The following RAB11FIP4 variants were observed in gnomAD, a reference collection of about 807,000 sequenced individuals.
RAB11FIP4 encodes the protein RAB11 family interacting protein 4.
In RAB11FIP4, 23 loss-of-function variants were observed where a neutral mutation model predicts 74.3. The ratio of observed to expected loss-of-function variants is 0.31; its 90% CI spans 0.22 to 0.44. The LOEUF (loss-of-function observed/expected upper bound fraction) is 0.44. Among genes scored for constraint, RAB11FIP4 ranks in the 20% least tolerant of loss-of-function variants. The pLI is 1.00. For synonymous variants in RAB11FIP4, 360 were observed against 359.9 expected, an observed-to-expected ratio of 1.00 and a Z score of 0.00; for missense variants, 630 against 863.9, an observed-to-expected ratio of 0.73 and a Z score of 3.39.
intron 3 of RAB11FIP4, among the ~76,000 whole-genome samples, chr17:31,481,440 C>T (rs1267176067): frequency 6.6e-6 from 1 of 152,124 alleles, no homozygotes; most frequent in Non-Finnish European, 1.5e-5. Context: ...AAGCTTCTAG[C>T]TGAGTTAATA....
intron 3 of RAB11FIP4, among the ~76,000 whole-genome samples, chr17:31,480,793 C>CAAAAAAAAAA (rs36097331): frequency 3.1e-4 from 23 of 73,818 alleles, no homozygotes; most frequent in South Asian, 4.9e-4. Flanking sequence ...GACTCCGTCT[C>CAAAAAAAAAA]AAAAAAAAAA....
At chr17:31,466,463 G>C (rs1023710158) in intron 3 of RAB11FIP4, among the ~76,000 whole-genome samples, 3 of 152,190 alleles carry the variant, frequency 2.0e-5, no homozygotes, top group African/African-American at 7.2e-5. Context: ...CTATCGCATA[G>C]TTATGTGCTA....
chr17:31,421,944 C>T (rs1028768128), intron 1 of RAB11FIP4, among the ~76,000 whole-genome samples: 1 of 152,086 alleles, frequency 6.6e-6, no homozygotes, highest in African/African-American at 2.4e-5. Context: ...CTTTGGGAGG[C>T]TAAGGCAGGA....
intron 1 of RAB11FIP4, among the ~76,000 whole-genome samples, chr17:31,424,077 G>A (rs1288516664): frequency 1.3e-5 from 2 of 151,994 alleles, no homozygotes; most frequent in South Asian, 4.2e-4. Context: ...AGTTTCTTCC[G>A]TAGCTTTTTC....
At chr17:31,527,668 C>G in intron 10 of RAB11FIP4, 174 bp from the exon 11 acceptor site, 1 of 554,766 alleles carries the variant, frequency 1.8e-6, no homozygotes, top group South Asian at 2.8e-5. Context: ...TTTGCTTTGG[C>G]TGATAGGAAG....
chr17:31,436,229 A>C (rs530750295), intron 3 of RAB11FIP4, among the ~76,000 whole-genome samples: 8 of 152,322 alleles, frequency 5.3e-5, no homozygotes, highest in African/African-American at 9.6e-5. Flanking sequence ...TTGCTGTGCC[A>C]ATCTGGAGGG....
chr17:31,422,408 TTCTA>T (rs2071208613), intron 1 of RAB11FIP4, among the ~76,000 whole-genome samples: 1 of 152,240 alleles, frequency 6.6e-6, no homozygotes, highest in Non-Finnish European at 1.5e-5. Context: ...AAATTAGATT[TTCTA>T]TCTAACTGGT....
intron 3 of RAB11FIP4, among the ~76,000 whole-genome samples, chr17:31,516,919 G>T (rs2072562894): frequency 6.6e-6 from 1 of 152,032 alleles, no homozygotes; most frequent in Admixed American, 6.6e-5. Context: ...TGAAGTAGTG[G>T]CCCACAGTCA....
At chr17:31,436,406 G>A (rs931209232) in intron 3 of RAB11FIP4, among the ~76,000 whole-genome samples, 1 of 152,132 alleles carries the variant, frequency 6.6e-6, no homozygotes, top group Non-Finnish European at 1.5e-5. Context: ...CCCAGGAACT[G>A]GAGGGCAGAG....
At chr17:31,508,870 G>T (rs1383426113) in intron 3 of RAB11FIP4, among the ~76,000 whole-genome samples, 1 of 152,192 alleles carries the variant, frequency 6.6e-6, no homozygotes, top group Non-Finnish European at 1.5e-5. Context: ...CAGTGTGTGT[G>T]TTGGGGTGAG....
chr17:31,446,633 G>C (rs1033926736), intron 3 of RAB11FIP4, among the ~76,000 whole-genome samples: 1 of 151,660 alleles, frequency 6.6e-6, no homozygotes. Context: ...AATCTCAAGA[G>C]AAAACTAGAA....
rs775747921 is a variant in RAB11FIP4, at chr17:31,532,564, G to A, written c.*832G>A. ...GGTGTCTAAGGCAGGAGTTGACATCGGGCAACCAAAGAAATGAGTTTTGGG... is the reference window on the plus strand; with the variant it reads ...GGTGTCTAAGGCAGGAGTTGACATCAGGCAACCAAAGAAATGAGTTTTGGG... On this transcript the variant is annotated 3_prime_UTR_variant, in exon 15 of 15. Coordinates refer to ENST00000621161, the MANE Select transcript of RAB11FIP4 (RefSeq NM_032932.6). 1 of 152,440 alleles carries A rather than the reference G, an allele frequency of 6.6e-6. No homozygotes were observed. Among genetic ancestry groups the A allele is most frequent in the Non-Finnish European group, 1.5e-5 (1 of 68,014 alleles). 9.4% of individuals were successfully genotyped at this position (152,440 alleles called of 1,614,324 possible).
At chr17:31,450,970 C>T (rs1296047062) in intron 3 of RAB11FIP4, among the ~76,000 whole-genome samples, 3 of 152,118 alleles carry the variant, frequency 2.0e-5, no homozygotes, top group Non-Finnish European at 4.4e-5. Context: ...AATTTCTTTC[C>T]TCCTTCCACA....
rs759502996 is a variant in RAB11FIP4, at chr17:31,391,980, C to A, written c.128C>A (p.Ala43Glu). 5.2e-6 allele frequency: 7 copies of A among 1,359,082 alleles called. No individual in the cohort carries two copies. The highest frequency in any genetic ancestry group is 6.6e-6 in the Non-Finnish European group (7 of 1,054,274). 84.2% of individuals were successfully genotyped at this position (1,359,082 alleles called of 1,614,324 possible). A position where few individuals can be genotyped will look rare whatever the true frequency, so the allele number is the denominator to read the frequency against. Reference sequence around the variant, plus strand: ...TTCCTGCGCGTGGAGCGCGTCGCGGCGCTCGGACTGCGCTTCGGCCAGGGC... The same window carrying A: ...TTCCTGCGCGTGGAGCGCGTCGCGGAGCTCGGACTGCGCTTCGGCCAGGGC... ...DGFLRVERVAALGLRFGQGEE... is the reference protein window; with the variant it reads ...DGFLRVERVAELGLRFGQGEE... The change falls in exon 1 of 15, where the codon GCG becomes GAG. Residue 43 changes from alanine (A) to glutamate (E), a missense_variant. By Grantham distance (107) the Ala-to-Glu change is moderately radical (BLOSUM62 -1). Coordinates refer to ENST00000621161, the MANE Select transcript of RAB11FIP4 (RefSeq NM_032932.6).
At chr17:31,487,789 C>A (rs1186221498) in intron 3 of RAB11FIP4, among the ~76,000 whole-genome samples, 1 of 152,026 alleles carries the variant, frequency 6.6e-6, no homozygotes, top group Non-Finnish European at 1.5e-5. Flanking sequence ...CCTGGAGTCC[C>A]AGCCAGGGCT....
At chr17:31,525,009 G>T (rs1401764439) in intron 9 of RAB11FIP4, 81 bp from the exon 10 acceptor site, 2 of 1,531,926 alleles carry the variant, frequency 1.3e-6, no homozygotes, top group Non-Finnish European at 1.8e-6. Context: ...GGGTCTCGGG[G>T]CCCAGGGTCC....
chr17:31,494,799 CT>C lies in RAB11FIP4; in HGVS notation c.337-22850del, dbSNP rs199907439. ...GCCAGCTTCTGTGTTTTTAACAAAC[CT>C]TGCTCGGGCTCTGCAGATACAGATT... On this transcript the variant is annotated intron_variant, in intron 3 of 14. Transcript: ENST00000621161. Among the ~76,000 whole-genome samples the C allele has an allele frequency of 6.2e-3, 944 of 152,276 alleles. 7 individuals are homozygous for C. Among genetic ancestry groups the C allele is most frequent in the African/African-American group, 0.021 (888 of 41,544 alleles).
chr17:31,393,906 C>G (rs1162800328), intron 1 of RAB11FIP4, among the ~76,000 whole-genome samples: 3 of 152,150 alleles, frequency 2.0e-5, no homozygotes, highest in African/African-American at 7.2e-5. Flanking sequence ...CCGCCGCCCC[C>G]ACCAGGACTA....
rs2071081410 is a variant in RAB11FIP4 at position 31,410,344 on chromosome 17, T to C, written c.159+18333T>C. On this transcript the variant is annotated intron_variant, in intron 1 of 14. Transcript: ENST00000621161. ...AGGATGATGAGGATGATGATGATGA[T>C]GAAGGAGAAACATACCTGCACCTGC... Among the ~76,000 whole-genome samples the C allele has an allele frequency of 5.3e-5, 8 of 152,120 alleles. No individual in the cohort carries two copies. In the South Asian group the frequency reaches 1.7e-3, roughly 32 times the overall value.
Sources: gnomAD v4.1 joint callset for allele counts (sites outside exome capture counted in the v4.1 genomes callset) on GRCh38, gnomAD v4.1.1 for gene constraint, MANE v1.5 for transcripts, NCBI Gene and HGNC (gene_info 2026-07-23, HGNC 2026-07-21) for gene names.